PITPNM2: variants seen among roughly 807,000 people sequenced by gnomAD.
PITPNM2 encodes membrane-associated phosphatidylinositol transfer protein 2.
PITPNM2 carries 35 observed loss-of-function variants against 132.2 expected under a neutral mutation model. The observed-to-expected ratio is 0.26, with a 90% CI of 0.20 to 0.35. The LOEUF is 0.35. PITPNM2 is among the 10% of genes least tolerant of loss of function. The pLI is 1.00. For missense variants in PITPNM2, 1,332 were observed against 1,912.0 expected (o/e 0.70, Z 5.66); for synonymous variants, 738 against 799.2 (o/e 0.92, Z 1.29).
intron 3 of PITPNM2, among the ~76,000 whole-genome samples, chr12:123,016,598 A>AAAC (rs1566249466): frequency 1.3e-5 from 2 of 151,290 alleles, no homozygotes; most frequent in Admixed American, 1.3e-4. Context: ...AACAAACAAA[A>AAAC]AAACAAAAAA....
intron 16 of PITPNM2, chr12:122,991,769 G>T (rs774772176): frequency 1.5e-6 from 2 of 1,297,734 alleles, no homozygotes; most frequent in African/African-American, 3.0e-5. Context: ...GGCACAGCCC[G>T]GGCGGGGCCC....
chr12:123,039,636 C>T (rs895699997), intron 2 of PITPNM2, among the ~76,000 whole-genome samples: 2 of 152,178 alleles, frequency 1.3e-5, no homozygotes, highest in African/African-American at 2.4e-5. Context: ...GATGCATGTC[C>T]TCATACATTT....
rs538918311 is a variant in PITPNM2, at chr12:123,093,688, C to T, written c.-96+16697G>A. Among the ~76,000 whole-genome samples the T allele has an allele frequency of 9.8e-5, 15 of 152,324 alleles. No homozygotes were observed. The East Asian group carries it at 2.9e-3, about 29-fold the overall frequency. ...AACAAGCAAAAGATTCAGCCCCTATCCCAAACTCTGAGGATGGAGCTAGAG... is the reference window on the plus strand; with the variant it reads ...AACAAGCAAAAGATTCAGCCCCTATTCCAAACTCTGAGGATGGAGCTAGAG... On this transcript the variant is annotated intron_variant, in intron 2 of 25. Transcript: ENST00000320201.
rs542900291 is a variant in PITPNM2 at position 123,023,111 on chromosome 12, G to A, written c.79-9069C>T. ...GGCAGTTCGAAGCACAGGCTGGGCTGGGGCCAGCTCACTGGAGGGAGGGGA... is the reference window on the plus strand; with the variant it reads ...GGCAGTTCGAAGCACAGGCTGGGCTAGGGCCAGCTCACTGGAGGGAGGGGA... On this transcript the variant is annotated intron_variant, in intron 3 of 25. Coordinates refer to ENST00000320201, the MANE Select transcript of PITPNM2 (RefSeq NM_020845.3). This position sits in a 1 kb window ranked among gnomAD's most constrained non-coding sequence, Gnocchi z 4.8. Among the ~76,000 whole-genome samples the A allele has an allele frequency of 2.0e-5, 3 of 152,374 alleles. No homozygotes were observed. The East Asian group carries it at 5.8e-4, about 29-fold the overall frequency.
rs1033984017 is a variant in PITPNM2 at position 123,008,396 on chromosome 12, G to A, written c.643+1454C>T. Among the ~76,000 whole-genome samples, 2 of 152,204 alleles carry A rather than the reference G, an allele frequency of 1.3e-5. No individual in the cohort carries two copies. The highest frequency in any genetic ancestry group is 4.8e-5 in the African/African-American group (2 of 41,456). On this transcript the variant is annotated intron_variant, in intron 6 of 25. Coordinates refer to ENST00000320201, the MANE Select transcript of PITPNM2 (RefSeq NM_020845.3). The surrounding 1 kb of genome is among the most constrained non-coding windows in gnomAD (Gnocchi z 4.1). ...CGAGTCACCAGCGCTGATGTGTTCAGGTTCCTGGAGGTCGAGAAGGGCGGT... is the reference window on the plus strand; with the variant it reads ...CGAGTCACCAGCGCTGATGTGTTCAAGTTCCTGGAGGTCGAGAAGGGCGGT...
At position 122,985,763 on chromosome 12, in the gene PITPNM2, C is replaced by T. The variant is rs2037904980; in HGVS notation, c.*264G>A. ...GGGCAAAATGTCTGGGAGAACCTCC[C>T]GGGCCAGTCTGAGTGGGAGGTTCTG... On this transcript the variant is annotated 3_prime_UTR_variant, in exon 26 of 26. Transcript: ENST00000320201. The T allele has an allele frequency of 1.3e-5, 5 of 387,068 alleles. No homozygotes were observed. The Admixed American group carries it at 1.4e-4, about 11-fold the overall frequency. 24.0% of individuals were successfully genotyped at this position (387,068 alleles called of 1,614,324 possible).
intron 2 of PITPNM2, among the ~76,000 whole-genome samples, chr12:123,102,500 C>T (rs2042585400): frequency 6.6e-6 from 1 of 152,188 alleles, no homozygotes; most frequent in Admixed American, 6.5e-5. Flanking sequence ...AAAAAGCAAA[C>T]TGGATTTCCC....
rs774125357 is a variant in PITPNM2 at position 123,004,369 on chromosome 12, G to C, written c.1048+25C>G. ...CCCACCTCGCCCAGGAAGGCCCCAA[G>C]GACTGCAGAGCGCTGCCTGCCTACC... On this transcript the variant is annotated intron_variant, in intron 8 of 25. Transcript: ENST00000320201. This position sits in a 1 kb window ranked among gnomAD's most constrained non-coding sequence, Gnocchi z 4.9. 1 of 1,611,868 alleles carries C rather than the reference G, an allele frequency of 6.2e-7. No homozygotes were observed.
chr12:123,145,270 A>C (rs2043591190), intron 1 of PITPNM2, among the ~76,000 whole-genome samples: 1 of 152,182 alleles, frequency 6.6e-6, no homozygotes, highest in Non-Finnish European at 1.5e-5. Context: ...CTTTCCTCAG[A>C]CAGAGCTATT....
At chr12:123,052,077 GTTTTTTTTTT>G (rs10606016) in intron 2 of PITPNM2, among the ~76,000 whole-genome samples, 1 of 100,618 alleles carries the variant, frequency 9.9e-6, no homozygotes, top group African/African-American at 3.6e-5. Flanking sequence ...TAATTTTATT[GTTTTTTTTTT>G]TTTTTTTTTT....
At chr12:123,080,404 G>A (rs1717824197) in intron 2 of PITPNM2, among the ~76,000 whole-genome samples, 1 of 152,172 alleles carries the variant, frequency 6.6e-6, no homozygotes, top group African/African-American at 2.4e-5. Flanking sequence ...CTTTTAAAAT[G>A]AAGTCTTCAG....
chr12:123,077,830 A>G lies in PITPNM2; in HGVS notation c.-96+32555T>C, dbSNP rs2041838447. ...CCAATGTGAGGGAAGGGGTGGGGGGACAAAGTATCAGAGCCAGGAGGTGTG... is the reference window on the plus strand; with the variant it reads ...CCAATGTGAGGGAAGGGGTGGGGGGGCAAAGTATCAGAGCCAGGAGGTGTG... On this transcript the variant is annotated intron_variant, in intron 2 of 25. Transcript: ENST00000320201. This position sits in a 1 kb window ranked among gnomAD's most constrained non-coding sequence, Gnocchi z 4.8. 6.6e-6 allele frequency among the ~76,000 whole-genome samples: 1 copy of G among 151,322 alleles called. No individual in the cohort carries two copies. The highest frequency in any genetic ancestry group is 1.5e-5 in the Non-Finnish European group (1 of 67,804).
At chr12:122,987,763 C>A in intron 21 of PITPNM2, 22 bp downstream of exon 21, 1 of 1,613,642 alleles carries the variant, frequency 6.2e-7, no homozygotes, top group Non-Finnish European at 8.5e-7. Flanking sequence ...CTCCATGTTA[C>A]CCCTACCCGC....
Position 123,097,060 on chromosome 12 carries a change from G to C in PITPNM2, c.-96+13325C>G, listed in dbSNP as rs1307437268. ...TTATTTATTTTTAATTTATTTTTTTGGTATGGAGTCTCGCTCTTGTCGCCC... is the reference window on the plus strand; with the variant it reads ...TTATTTATTTTTAATTTATTTTTTTCGTATGGAGTCTCGCTCTTGTCGCCC... On this transcript the variant is annotated intron_variant, in intron 2 of 25. Transcript: ENST00000320201. This position sits in a 1 kb window ranked among gnomAD's most constrained non-coding sequence, Gnocchi z 4.7. Among the ~76,000 whole-genome samples, 1 of 151,304 alleles carries C rather than the reference G, an allele frequency of 6.6e-6. No homozygotes were observed. The highest frequency in any genetic ancestry group is 1.5e-5 in the Non-Finnish European group (1 of 67,830).
Position 122,994,302 on chromosome 12 carries a change from G to A in PITPNM2, c.2233+499C>T, listed in dbSNP as rs1167013842. Among the ~76,000 whole-genome samples, 1 of 152,248 alleles carries A rather than the reference G, an allele frequency of 6.6e-6. No individual in the cohort carries two copies. Among genetic ancestry groups the A allele is most frequent in the African/African-American group, 2.4e-5 (1 of 41,466 alleles). ...TTGTGTGGCTCCTGGAGCTTTGCAGGCTGATCCCAGGGCACAGGGCAGGGA... is the reference window on the plus strand; with the variant it reads ...TTGTGTGGCTCCTGGAGCTTTGCAGACTGATCCCAGGGCACAGGGCAGGGA... On this transcript the variant is annotated intron_variant, in intron 15 of 25. Coordinates refer to ENST00000320201, the MANE Select transcript of PITPNM2 (RefSeq NM_020845.3). The surrounding 1 kb of genome is among the most constrained non-coding windows in gnomAD (Gnocchi z 5.4).
At chr12:123,116,852 C>T (rs995463244) in intron 1 of PITPNM2, among the ~76,000 whole-genome samples, 3 of 152,166 alleles carry the variant, frequency 2.0e-5, no homozygotes, top group Non-Finnish European at 4.4e-5. Flanking sequence ...AGTACCATCT[C>T]ACCAGCCACA....
chr12:122,996,411 C>T, intron 13 of PITPNM2, 47 bp downstream of exon 13: 1 of 1,606,918 alleles, frequency 6.2e-7, no homozygotes, highest in Non-Finnish European at 8.5e-7. Context: ...TGGGGGCGTG[C>T]AGGAGGCTTC....
Position 122,986,067 on chromosome 12 carries a change from G to C in PITPNM2, c.4010C>G (p.Thr1337Ser), listed in dbSNP as rs1028214698. ...GGCTGCCCCCGGCTCCAGGCGGCCAGTCATGGCGCGGCCCCAGCAGCCGGC... is the reference window on the plus strand; with the variant it reads ...GGCTGCCCCCGGCTCCAGGCGGCCACTCATGGCGCGGCCCCAGCAGCCGGC... ...VAAGCWGRAMTGRLEPGAAAG... is the reference protein window; with the variant it reads ...VAAGCWGRAMSGRLEPGAAAG... The change falls in exon 26 of 26, where the codon ACT becomes AGT. Residue 1337 changes from threonine (T) to serine (S), a missense_variant. By Grantham distance (58) the Thr-to-Ser change is moderately conservative. Around this residue, in one of 6 missense-constraint regions of PITPNM2, gnomAD observed 163 missense variants for 177.2 expected, o/e 0.92. Coordinates refer to ENST00000320201, the MANE Select transcript of PITPNM2 (RefSeq NM_020845.3). 4 of 1,425,722 alleles carry C rather than the reference G, an allele frequency of 2.8e-6. No individual in the cohort carries two copies. Among genetic ancestry groups the C allele is most frequent in the Non-Finnish European group, 3.6e-6 (4 of 1,101,032 alleles). The allele number at this position is 1,425,722 out of a possible 1,614,324, so 88.3% of individuals were successfully genotyped here.
intron 2 of PITPNM2, among the ~76,000 whole-genome samples, chr12:123,045,958 A>C (rs2040639780): frequency 6.6e-6 from 1 of 152,018 alleles, no homozygotes. Context: ...TGGGTGTCCC[A>C]GCGAGGGTGT....
Sources: allele counts gnomAD v4.1 joint callset (sites outside exome capture counted in the v4.1 genomes callset), GRCh38; gene constraint gnomAD v4.1.1; regional missense constraint gnomAD v4.1.1; non-coding constraint Gnocchi (gnomAD v3.1); transcripts MANE v1.5; gene names NCBI Gene and HGNC (gene_info 2026-07-23, HGNC 2026-07-21).